The following THRAP3 variants were observed in gnomAD, a reference collection of about 807,000 sequenced individuals.
THRAP3 encodes the protein thyroid hormone receptor associated protein 3, also known as thyroid hormone receptor-associated protein 3.
Under a neutral mutation model 101.0 loss-of-function variants are expected in THRAP3, and 16 were observed. The observed-to-expected ratio is 0.16, with a 90% confidence interval of 0.11 to 0.24. The LOEUF (loss-of-function observed/expected upper bound fraction) is 0.24. THRAP3 is among the 10% of genes least tolerant of loss of function. The pLI, the probability that THRAP3 is intolerant of heterozygous loss-of-function variation, is 1.00. For synonymous variants in THRAP3, 407 were observed against 422.6 expected, an observed-to-expected ratio of 0.96 and a Z score of 0.45; for missense variants, 989 against 1,202.7, an observed-to-expected ratio of 0.82 and a Z score of 2.63.
intron 9 of THRAP3, 137 bp from the exon 10 acceptor site, chr1:36,300,749 G>A (rs1235167064): frequency 1.3e-6 from 1 of 792,294 alleles, no homozygotes; most frequent in Non-Finnish European, 2.0e-6. Context: ...GGGTGAGCTG[G>A]CTTTATAAGG....
At chr1:36,267,208 C>A (rs1645526767) in intron 2 of THRAP3, among the ~76,000 whole-genome samples, 1 of 152,088 alleles carries the variant, frequency 6.6e-6, no homozygotes, top group East Asian at 1.9e-4. Context: ...TAAATAATTT[C>A]TTCTGCAATT....
chr1:36,235,782 T>C (rs1449971318), intron 1 of THRAP3, among the ~76,000 whole-genome samples: 1 of 152,148 alleles, frequency 6.6e-6, no homozygotes, highest in East Asian at 1.9e-4. Flanking sequence ...ATTATTTATG[T>C]AAGTGAAAAA....
chr1:36,259,236 A>G (rs917311900), intron 1 of THRAP3, 146 bp from the exon 2 acceptor site: 8 of 393,706 alleles, frequency 2.0e-5, no homozygotes, highest in African/African-American at 1.6e-4. Flanking sequence ...GAGGCAGACC[A>G]TCTCATACTT....
intron 1 of THRAP3, among the ~76,000 whole-genome samples, chr1:36,253,492 G>A (rs1348244523): frequency 1.3e-5 from 2 of 152,178 alleles, no homozygotes; most frequent in African/African-American, 4.8e-5. Flanking sequence ...TATGAGAAGT[G>A]AATAAAGTAA....
At chr1:36,295,192 C>T (rs927804851) in intron 8 of THRAP3, among the ~76,000 whole-genome samples, 9 of 148,584 alleles carry the variant, frequency 6.1e-5, no homozygotes, top group Admixed American at 1.3e-4. Context: ...CATTGTACTC[C>T]AGCCAGGGCA....
chr1:36,281,016 C>G (rs1189040692), intron 2 of THRAP3, among the ~76,000 whole-genome samples: 5 of 151,116 alleles, frequency 3.3e-5, no homozygotes, highest in African/African-American at 1.2e-4. Context: ...ACCTCTGCCT[C>G]CTGGGTTCGA....
At position 36,292,626 on chromosome 1, in the gene THRAP3, A is replaced by G; in HGVS notation, c.1947A>G (p.Thr649=). The G allele has an allele frequency of 6.2e-7, 1 of 1,613,592 alleles. No homozygotes were observed. Among genetic ancestry groups the G allele is most frequent in the Non-Finnish European group, 8.5e-7 (1 of 1,179,842 alleles). ...ATCACTTTGGGTCCTCAGGAATGAC[A>G]TTACATGAACGCTTTACTAAATACC... The part of the protein sequence containing the change: ...KEHHFGSSGM[T]LHERFTKYLK... The change falls in exon 7 of 12, where the codon ACA becomes ACG. Residue 649 remains threonine, a synonymous_variant. Coordinates refer to ENST00000354618, the MANE Select transcript of THRAP3 (RefSeq NM_005119.4).
rs558732742 is a variant in THRAP3 at position 36,279,715 on chromosome 1, T to C, written c.-31-2818T>C. Among the ~76,000 whole-genome samples the C allele has an allele frequency of 2.5e-4, 38 of 152,350 alleles. 1 individual carries two copies. Among genetic ancestry groups the C allele is most frequent in the African/African-American group, 8.7e-4 (36 of 41,586 alleles). On this transcript the variant is annotated intron_variant, in intron 2 of 11. Coordinates refer to ENST00000354618, the MANE Select transcript of THRAP3 (RefSeq NM_005119.4). Reference sequence around the variant, plus strand: ...AGTTTCTCAGTTCTCCTCTAAATTATGTCTCTAAGATTTTGCTTGTTTCCC... The same window carrying C: ...AGTTTCTCAGTTCTCCTCTAAATTACGTCTCTAAGATTTTGCTTGTTTCCC...
intron 11 of THRAP3, among the ~76,000 whole-genome samples, chr1:36,302,277 G>GGA (rs1646039523): frequency 6.6e-6 from 1 of 152,198 alleles, no homozygotes; most frequent in Admixed American, 6.5e-5. Flanking sequence ...ATCCAAGCTG[G>GGA]TGTGAGTGTT....
intron 1 of THRAP3, among the ~76,000 whole-genome samples, chr1:36,227,522 T>C (rs1644975239): frequency 6.6e-6 from 1 of 152,206 alleles, no homozygotes; most frequent in South Asian, 2.1e-4. Context: ...GCTTAGGTGA[T>C]CCGCCTGCCT....
intron 2 of THRAP3, among the ~76,000 whole-genome samples, chr1:36,261,465 G>A (rs11802095): frequency 0.032 from 4,931 of 152,250 alleles, 261 homozygotes; most frequent in African/African-American, 0.11. Flanking sequence ...CCCGGGAGGC[G>A]GAGCTTGCAG....
chr1:36,208,021 G>C, the THRAP3 span, among the ~76,000 whole-genome samples: 1 of 152,126 alleles, frequency 6.6e-6, no homozygotes, highest in Non-Finnish European at 1.5e-5. Context: ...TTGAACTCCG[G>C]ACCTCAGGTG....
chr1:36,220,234 C>T (rs1270772917), upstream of THRAP3, among the ~76,000 whole-genome samples: 1 of 152,184 alleles, frequency 6.6e-6, no homozygotes, highest in Non-Finnish European at 1.5e-5. Flanking sequence ...CTCAAGTGAT[C>T]TACCCATCTC....
chr1:36,279,089 ATTG>A (rs985524792), intron 2 of THRAP3, among the ~76,000 whole-genome samples: 9 of 152,298 alleles, frequency 5.9e-5, no homozygotes, highest in African/African-American at 1.7e-4. Flanking sequence ...TATGTGCAGA[ATTG>A]TTAAGTTTGG....
At chr1:36,212,471 A>C in the THRAP3 span, among the ~76,000 whole-genome samples, 1 of 143,752 alleles carries the variant, frequency 7.0e-6, no homozygotes, top group Non-Finnish European at 1.5e-5. Flanking sequence ...GCCAGGCTGA[A>C]GTGCAGTGGC....
At chr1:36,279,009 G>A (rs138365144) in intron 2 of THRAP3, among the ~76,000 whole-genome samples, 26 of 152,120 alleles carry the variant, frequency 1.7e-4, no homozygotes, top group South Asian at 4.2e-4. Flanking sequence ...AGGAGGCTCC[G>A]GGAATGGGAG....
At chr1:36,228,154 C>T (rs991310769) in intron 1 of THRAP3, among the ~76,000 whole-genome samples, 3 of 150,140 alleles carry the variant, frequency 2.0e-5, no homozygotes. Flanking sequence ...TCAAGCAGTT[C>T]TCCCTGCCTT....
the THRAP3 span, among the ~76,000 whole-genome samples, chr1:36,216,618 C>T: frequency 6.6e-6 from 1 of 150,434 alleles, no homozygotes; most frequent in Admixed American, 6.7e-5. Flanking sequence ...TGGCCAAAAA[C>T]AACAACAACA....
chr1:36,290,866 A>C (rs1171412953), intron 5 of THRAP3, among the ~76,000 whole-genome samples: 2 of 152,094 alleles, frequency 1.3e-5, no homozygotes, highest in Non-Finnish European at 2.9e-5. Flanking sequence ...ACTTGGTGTA[A>C]ACTACTCAGG....
Sources: allele counts gnomAD v4.1 joint callset (sites outside exome capture counted in the v4.1 genomes callset), GRCh38; gene constraint gnomAD v4.1.1; transcripts MANE v1.5; gene names NCBI Gene and HGNC (gene_info 2026-07-23, HGNC 2026-07-21).